The following BSN variants were observed in gnomAD, a reference collection of about 807,000 sequenced individuals.
BSN encodes bassoon presynaptic cytomatrix protein, also known as protein bassoon.
A neutral mutation model predicts 264.8 loss-of-function variants in BSN; 57 were observed. The observed-to-expected ratio is 0.22, with a 90% CI of 0.17 to 0.27. The LOEUF is 0.27. Among genes scored for constraint, BSN ranks in the 10% least tolerant of loss-of-function variants. The probability of loss-of-function intolerance (pLI) is 1.00; values close to 1 mark genes in which losing one functional copy is unlikely to be tolerated. For missense variants in BSN, 4,615 were observed against 5,232.5 expected (o/e 0.88, Z 3.64); for synonymous variants, 2,059 against 2,137.3 (o/e 0.96, Z 1.01).
rs756106796 is a variant in BSN, at chr3:49,656,081, A to T, written c.6525A>T (p.Thr2175=). 6.2e-7 allele frequency: 1 copy of T among 1,611,356 alleles called. No individual in the cohort carries two copies. Among genetic ancestry groups the T allele is most frequent in the South Asian group, 1.1e-5 (1 of 90,940 alleles). The part of the protein sequence containing the change: ...AQYGPAAGQG[T]AVRQLLPSTA... ...ATGGGCCTGCAGCAGGCCAAGGAAC[A>T]GCAGTCAGACAGCTGCTGCCGTCCA... The change falls in exon 5 of 12, where the codon ACA becomes ACT. Residue 2175 remains threonine (T), a synonymous_variant. Transcript: ENST00000296452.
At chr3:49,621,683 AG>A (rs1029326767) in intron 1 of BSN, among the ~76,000 whole-genome samples, 2 of 151,958 alleles carry the variant, frequency 1.3e-5, no homozygotes, top group African/African-American at 4.8e-5. Context: ...AGAGGGAGAG[AG>A]GAGAGGAGTG....
chr3:49,588,718 C>T (rs1415543735), intron 1 of BSN, among the ~76,000 whole-genome samples: 1 of 152,116 alleles, frequency 6.6e-6, no homozygotes, highest in Non-Finnish European at 1.5e-5. Context: ...GTTCAATTTA[C>T]ACTTATTTGT....
At position 49,661,216 on chromosome 3, in the gene BSN, T is replaced by C. The variant is rs755731585; in HGVS notation, c.9371T>C (p.Met3124Thr). 19 of 1,613,516 alleles carry C rather than the reference T, an allele frequency of 1.2e-5. No homozygotes were observed. The highest frequency in any genetic ancestry group is 1.4e-5 in the Non-Finnish European group (17 of 1,180,046). Residue 3124 changes from methionine to threonine, a missense_variant, in exon 6 of 12, where the codon ATG becomes ACG. By Grantham distance (81) the Met-to-Thr change is moderately conservative. This residue lies in a region of BSN where 3,415 missense variants were observed against 3,866.4 expected (regional missense o/e 0.88). Transcript: ENST00000296452. Reference sequence around the variant, plus strand: ...GGCCACTATGCAGGCCAAACACCCATGCCAACCACACAGAGCACCCTTTTT... The same window carrying C: ...GGCCACTATGCAGGCCAAACACCCACGCCAACCACACAGAGCACCCTTTTT... Reference protein sequence around the residue: ...PTGHYAGQTPMPTTQSTLFPV... With the variant: ...PTGHYAGQTPTPTTQSTLFPV...
chr3:49,565,004 AAAAG>A (rs1488449379), intron 1 of BSN, among the ~76,000 whole-genome samples: 1 of 151,954 alleles, frequency 6.6e-6, no homozygotes, highest in East Asian at 1.9e-4. Flanking sequence ...GTAAAAAAAA[AAAAG>A]AAGAAAAGAA....
rs1279628246 is a variant in BSN at position 49,665,305 on chromosome 3, C to G, written c.*91C>G. 4 of 159,764 alleles carry G rather than the reference C, an allele frequency of 2.5e-5. No homozygotes were observed. Among genetic ancestry groups the G allele is most frequent in the African/African-American group, 7.2e-5 (3 of 41,530 alleles). The allele number at this position is 159,764 out of a possible 1,614,324, so 9.9% of individuals were successfully genotyped here. A position where few individuals can be genotyped will look rare whatever the true frequency, so the allele number is the denominator to read the frequency against. On this transcript the variant is annotated 3_prime_UTR_variant, in exon 11 of 12. Coordinates refer to ENST00000296452, the MANE Select transcript of BSN (RefSeq NM_003458.4). Reference sequence around the variant, plus strand: ...TCAGAGGCCTGGGCGCAGCTCTGGACTCTGCGTATAACAGTGAGTGTCAGG... The same window carrying G: ...TCAGAGGCCTGGGCGCAGCTCTGGAGTCTGCGTATAACAGTGAGTGTCAGG...
At chr3:49,629,727 G>A (rs1490758018) in intron 2 of BSN, among the ~76,000 whole-genome samples, 1 of 152,220 alleles carries the variant, frequency 6.6e-6, no homozygotes, top group Non-Finnish European at 1.5e-5. Context: ...CCCACGCTCT[G>A]CCCCTGTGGG....
At chr3:49,588,978 G>A (rs1249675911) in intron 1 of BSN, among the ~76,000 whole-genome samples, 3 of 150,204 alleles carry the variant, frequency 2.0e-5, no homozygotes, top group Admixed American at 6.6e-5. Flanking sequence ...GCAGTGGCGC[G>A]ATCTCCACGC....
intron 1 of BSN, among the ~76,000 whole-genome samples, chr3:49,583,341 C>T (rs1575428954): frequency 6.6e-6 from 1 of 152,184 alleles, no homozygotes; most frequent in East Asian, 1.9e-4. Context: ...ATGTACAATA[C>T]TTCTAATATG....
intron 3 of BSN, among the ~76,000 whole-genome samples, chr3:49,644,138 T>C (rs2052488643): frequency 6.6e-6 from 1 of 152,114 alleles, no homozygotes; most frequent in Non-Finnish European, 1.5e-5. Context: ...GTGCCCTCAG[T>C]CTTGATAGAT....
In BSN at chr3:49,643,187, TGATGAGAGGCCGGGCCTG is replaced by T. The variant is rs1359321378; in HGVS notation, c.1518+37_1518+54del. ...GGACCAAGCATGCTCCCTTGAACCT[TGATGAGAGGCCGGGCCTG>T]GGTAGTGAGTGTCATGGGAACCAGA... On this transcript the variant is annotated intron_variant, in intron 3 of 11. Coordinates refer to ENST00000296452, the MANE Select transcript of BSN (RefSeq NM_003458.4). The T allele has an allele frequency of 3.8e-6, 6 of 1,570,648 alleles. No homozygotes were observed. The African/African-American group carries it at 6.8e-5, about 18-fold the overall frequency.
chr3:49,667,175 C>T (rs761692742), intron 11 of BSN, among the ~76,000 whole-genome samples: 1 of 152,104 alleles, frequency 6.6e-6, no homozygotes. Context: ...TTCTAGCATT[C>T]GGCTAATGAT....
intron 2 of BSN, chr3:49,641,644 T>C (rs1479150850): frequency 6.6e-6 from 1 of 152,218 alleles, no homozygotes; most frequent in Non-Finnish European, 1.5e-5. Flanking sequence ...CCCTCGCTTA[T>C]TTTGTTCTCA....
At chr3:49,587,931 T>TCTTTTCTTTTCTTTTCTTTTCTTTTC (rs1553659696) in intron 1 of BSN, among the ~76,000 whole-genome samples, 11 of 148,552 alleles carry the variant, frequency 7.4e-5, no homozygotes, top group Non-Finnish European at 1.5e-4. Flanking sequence ...TCTTTTCTTT[T>TCTTTTCTTTTCTTTTCTTTTCTTTTC]TTTTTTTGAG....
intron 1 of BSN, among the ~76,000 whole-genome samples, chr3:49,619,880 C>T (rs1172441122): frequency 5.9e-5 from 9 of 152,142 alleles, no homozygotes; most frequent in Admixed American, 5.2e-4. Context: ...ACAGTCACCC[C>T]ATTCAGGAAA....
At position 49,656,104 on chromosome 3, in the gene BSN, C is replaced by G. The variant is rs1457676519; in HGVS notation, c.6548C>G (p.Ser2183Cys). The G allele has an allele frequency of 6.2e-7, 1 of 1,612,450 alleles. No homozygotes were observed. The highest frequency in any genetic ancestry group is 8.5e-7 in the Non-Finnish European group (1 of 1,179,884). Residue 2183 changes from serine (S) to cysteine (C), a missense_variant, in exon 5 of 12, where the codon TCC becomes TGC. Physicochemically the swap from Ser to Cys is moderately radical, Grantham distance 112 (BLOSUM62 -1). Around this residue, in one of 3 missense-constraint regions of BSN, gnomAD observed 3,415 missense variants for 3,866.4 expected, o/e 0.88. Coordinates refer to ENST00000296452, the MANE Select transcript of BSN (RefSeq NM_003458.4). ...ACAGCAGTCAGACAGCTGCTGCCGTCCACAGCCACTGTACGTGCAGCTGAT... is the reference window on the plus strand; with the variant it reads ...ACAGCAGTCAGACAGCTGCTGCCGTGCACAGCCACTGTACGTGCAGCTGAT... Reference protein sequence around the residue: ...QGTAVRQLLPSTATVRAADGM... With the variant: ...QGTAVRQLLPCTATVRAADGM...
Position 49,603,012 on chromosome 3 carries a change from G to A in BSN, c.225-21963G>A, listed in dbSNP as rs568066840. 2.6e-5 allele frequency among the ~76,000 whole-genome samples: 4 copies of A among 152,324 alleles called. No individual in the cohort carries two copies. The South Asian group carries it at 8.3e-4, about 32-fold the overall frequency. ...CGCAGCTCCCTGCAGTGTTGCTCCT[G>A]GCACTTCATGCTTGGCCAGCAGATT... On this transcript the variant is annotated intron_variant, in intron 1 of 11. Transcript: ENST00000296452.
chr3:49,592,659 G>T (rs1044721871), intron 1 of BSN, among the ~76,000 whole-genome samples: 4 of 151,190 alleles, frequency 2.6e-5, no homozygotes, highest in Admixed American at 2.0e-4. Flanking sequence ...GCTGAGGCAG[G>T]AGAATGGTGT....
At chr3:49,599,330 G>C (rs912756397) in intron 1 of BSN, among the ~76,000 whole-genome samples, 1 of 152,146 alleles carries the variant, frequency 6.6e-6, no homozygotes, top group African/African-American at 2.4e-5. Flanking sequence ...ACCCCAAGAG[G>C]TATCTTCTTG....
downstream of BSN, among the ~76,000 whole-genome samples, chr3:49,672,506 G>C (rs1332606069): frequency 6.7e-6 from 1 of 149,242 alleles, no homozygotes; most frequent in East Asian, 1.9e-4. Context: ...TTGAGACGGA[G>C]TTTCACTCTT....
Sources: gnomAD v4.1 joint callset for allele counts (sites outside exome capture counted in the v4.1 genomes callset) on GRCh38, gnomAD v4.1.1 for gene constraint, gnomAD v4.1.1 regional missense constraint, MANE v1.5 for transcripts, NCBI Gene and HGNC (gene_info 2026-07-23, HGNC 2026-07-21) for gene names.